The following ZBTB48 variants were observed in gnomAD, a reference collection of about 807,000 sequenced individuals.
ZBTB48 encodes the protein zinc finger and BTB domain containing 48, also known as zinc finger and BTB domain-containing protein 48.
Under a neutral mutation model 64.5 loss-of-function variants are expected in ZBTB48, and 35 were observed. The observed-to-expected ratio is 0.54, with a 90% CI of 0.41 to 0.72. The LOEUF (loss-of-function observed/expected upper bound fraction) is 0.72, where lower values mean the gene tolerates loss of function less well. Among genes scored for constraint, ZBTB48 ranks in the 30% least tolerant of loss-of-function variants. The pLI, the probability that ZBTB48 is intolerant of heterozygous loss-of-function variation, is 0.00. For missense variants in ZBTB48, 828 were observed against 895.3 expected, an observed-to-expected ratio of 0.92 and a Z score of 0.96; for synonymous variants, 442 against 356.7, an observed-to-expected ratio of 1.24 and a Z score of -2.70.
chr1:6,585,105 C>A (rs1434788875), intron 3 of ZBTB48, among the ~76,000 whole-genome samples: 1 of 151,950 alleles, frequency 6.6e-6, no homozygotes, highest in South Asian at 2.1e-4. Flanking sequence ...GAGTGGGGTT[C>A]GATTGCGATT....
chr1:6,585,723 T>C (rs1640636868), intron 3 of ZBTB48, 196 bp from the exon 4 acceptor site: 1 of 595,136 alleles, frequency 1.7e-6, no homozygotes, highest in African/African-American at 1.9e-5. Context: ...AGGACCTGTG[T>C]GAGCTTCTTG....
In ZBTB48 at chr1:6,580,566, T is replaced by G. The variant is rs1443693137; in HGVS notation, c.-44T>G. 6.3e-7 allele frequency: 1 copy of G among 1,577,220 alleles called. No individual in the cohort carries two copies. Among genetic ancestry groups the G allele is most frequent in the South Asian group, 1.1e-5 (1 of 87,088 alleles). The stretch of plus-strand genomic sequence containing the variant: ...GAGCTTTCTCTTGCATACCCTCGCT[T>G]AGGCTGGCCGGGGTGTCACTTCTGC... On this transcript the variant is annotated 5_prime_UTR_variant, in exon 2 of 11. Transcript: ENST00000377674. This position sits in a 1 kb window ranked among gnomAD's most constrained non-coding sequence, Gnocchi z 5.2.
chr1:6,580,402 T>G lies in ZBTB48; in HGVS notation c.-69-139T>G. The G allele has an allele frequency of 1.0e-5, 6 of 593,006 alleles. No individual in the cohort carries two copies. Among genetic ancestry groups the G allele is most frequent in the African/African-American group, 1.9e-5 (1 of 53,502 alleles). 36.7% of individuals were successfully genotyped at this position (593,006 alleles called of 1,614,324 possible). On this transcript the variant is annotated intron_variant, in intron 1 of 10. Coordinates refer to ENST00000377674, the MANE Select transcript of ZBTB48 (RefSeq NM_005341.4). This position sits in a 1 kb window ranked among gnomAD's most constrained non-coding sequence, Gnocchi z 5.2. Reference sequence around the variant, plus strand: ...CCAGCATCCCCCCTGGCCAATCCAATATGGCCCCCGGCCCCCGGGAGGCTG... The same window carrying G: ...CCAGCATCCCCCCTGGCCAATCCAAGATGGCCCCCGGCCCCCGGGAGGCTG...
Position 6,581,281 on chromosome 1 carries a change from G to T in ZBTB48, c.672G>T (p.Leu224=). The change falls in exon 2 of 11, where the codon CTG becomes CTT. Residue 224 remains leucine (L), a synonymous_variant. Transcript: ENST00000377674. ...PRPLEAEGAQ[L]QGGSNEWEVV... ...CCTTAGAGGCTGAAGGTGCCCAGCTGCAGGGCGGCAGTAATGAGGTACTGT... is the reference window on the plus strand; with the variant it reads ...CCTTAGAGGCTGAAGGTGCCCAGCTTCAGGGCGGCAGTAATGAGGTACTGT... 6.2e-7 allele frequency: 1 copy of T among 1,603,764 alleles called. No individual in the cohort carries two copies. Among genetic ancestry groups the T allele is most frequent in the Non-Finnish European group, 8.5e-7 (1 of 1,175,598 alleles).
intron 7 of ZBTB48, 82 bp from the exon 8 acceptor site, chr1:6,587,978 C>A: frequency 6.4e-7 from 1 of 1,564,766 alleles, no homozygotes; most frequent in Non-Finnish European, 8.7e-7. Flanking sequence ...CCTCTTTCCA[C>A]CAGGCATGCT....
At chr1:6,587,721 C>T in intron 7 of ZBTB48, 89 bp downstream of exon 7, 1 of 1,553,562 alleles carries the variant, frequency 6.4e-7, no homozygotes. Context: ...CTGACTTTTA[C>T]ACAGATGAGT....
chr1:6,586,421 C>T (rs973719412), intron 4 of ZBTB48: 25 of 574,036 alleles, frequency 4.4e-5, no homozygotes, highest in Non-Finnish European at 4.3e-5. Flanking sequence ...TCCTAGAGGC[C>T]TGTCAGCAGC....
intron 2 of ZBTB48, among the ~76,000 whole-genome samples, chr1:6,581,561 G>A (rs997479091): frequency 1.6e-4 from 24 of 152,158 alleles, no homozygotes; most frequent in East Asian, 1.2e-3. Context: ...CTACTCAGGA[G>A]GGTGAGGTGG....
In ZBTB48 at chr1:6,582,210, T is replaced by C; in HGVS notation, c.843T>C (p.Ala281=). 1 of 1,614,206 alleles carries C rather than the reference T, an allele frequency of 6.2e-7. No individual in the cohort carries two copies. ...CGGGCTCCCTAGCAGCTGAGCCTGC[T>C]GAGAACAGAAAAGGTACAGCGGTGC... ...LSAGSLAAEP[A]ENRKGTAVPV... is the part of the protein sequence containing the mutation. Residue 281 remains alanine (A), a synonymous_variant, in exon 3 of 11, where the codon GCT becomes GCC. Transcript: ENST00000377674.
intron 7 of ZBTB48, 93 bp from the exon 8 acceptor site, chr1:6,587,967 C>T (rs2148695430): frequency 6.5e-7 from 1 of 1,537,610 alleles, no homozygotes; most frequent in Non-Finnish European, 8.8e-7. Flanking sequence ...ACTGCCCAAG[C>T]CCTCTTTCCA....
rs751105755 is a variant in ZBTB48 at position 6,589,135 on chromosome 1, G to A, written c.1990G>A (p.Glu664Lys). 2 of 1,593,580 alleles carry A rather than the reference G, an allele frequency of 1.3e-6. No individual in the cohort carries two copies. The highest frequency in any genetic ancestry group is 2.3e-5 in the South Asian group (2 of 88,372). ...CCCCGGCCAGAGACTGTGTGCAGAG[G>A]AGAGCTTCACCGGCCCAGGTGTCCT... Reference protein sequence around the residue: ...QLPGQRLCAEESFTGPGVLEP... With the variant: ...QLPGQRLCAEKSFTGPGVLEP... The change falls in exon 11 of 11, where the codon GAG becomes AAG. Residue 664 changes from glutamate to lysine, a missense_variant. Physicochemically the swap from Glu to Lys is moderately conservative, Grantham distance 56. Coordinates refer to ENST00000377674, the MANE Select transcript of ZBTB48 (RefSeq NM_005341.4).
In ZBTB48 at chr1:6,588,308, C is replaced by T; in HGVS notation, c.1547C>T (p.Thr516Ile). The part of the protein sequence containing the change: ...ASLDKHNRTH[T>I]GERPFSCEFC... ...CTGGACAAGCACAACCGCACCCACACCGGGGAAAGGCCCTTCAGTTGCGAG... is the reference window on the plus strand; with the variant it reads ...CTGGACAAGCACAACCGCACCCACATCGGGGAAAGGCCCTTCAGTTGCGAG... Residue 516 changes from threonine to isoleucine, a missense_variant, in exon 9 of 11, where the codon ACC becomes ATC. Transcript: ENST00000377674. 1 of 1,608,044 alleles carries T rather than the reference C, an allele frequency of 6.2e-7. No individual in the cohort carries two copies. Among genetic ancestry groups the T allele is most frequent in the Non-Finnish European group, 8.5e-7 (1 of 1,175,416 alleles).
rs746737643 is a variant in ZBTB48 at position 6,589,032 on chromosome 1, G to A, written c.1887G>A (p.Gln629=). The change falls in exon 11 of 11, where the codon CAG becomes CAA. Residue 629 remains glutamine (Q), a synonymous_variant. Coordinates refer to ENST00000377674, the MANE Select transcript of ZBTB48 (RefSeq NM_005341.4). The stretch of plus-strand genomic sequence containing the variant: ...AGAAGATGGTGGTGGTGGCGCTGCA[G>A]CCGCCTGCAGAGCTGGAGGTGGGCT... ...EDEKMVVVAL[Q]PPAELEVGSA... 10 of 1,596,330 alleles carry A rather than the reference G, an allele frequency of 6.3e-6. No individual in the cohort carries two copies. The highest frequency in any genetic ancestry group is 3.5e-5 in the Admixed American group (2 of 57,256).
Position 6,588,412 on chromosome 1 carries a change from T to C in ZBTB48, c.1651T>C (p.Phe551Leu). Residue 551 changes from phenylalanine (F) to leucine (L), a missense_variant, in exon 9 of 11, where the codon TTC becomes CTC. By Grantham distance (22) the Phe-to-Leu change is conservative. Coordinates refer to ENST00000377674, the MANE Select transcript of ZBTB48 (RefSeq NM_005341.4). ...CCGCCATCAGGAGGGCCGGCCCCACTTCTGCCAGATATGCGGCAAGACCTT... is the reference window on the plus strand; with the variant it reads ...CCGCCATCAGGAGGGCCGGCCCCACCTCTGCCAGATATGCGGCAAGACCTT... Reference protein sequence around the residue: ...ASRHQEGRPHFCQICGKTFKA... With the variant: ...ASRHQEGRPHLCQICGKTFKA... The C allele has an allele frequency of 6.4e-7, 1 of 1,565,408 alleles. No homozygotes were observed. The highest frequency in any genetic ancestry group is 8.7e-7 in the Non-Finnish European group (1 of 1,153,766).
At chr1:6,585,051 C>T (rs80254133) in intron 3 of ZBTB48, among the ~76,000 whole-genome samples, 2,988 of 151,938 alleles carry the variant, frequency 0.02, 46 homozygotes, top group Middle Eastern at 0.041. Flanking sequence ...GAAGTGCTGC[C>T]GAAGAAGAAA....
At chr1:6,586,884 A>C in intron 5 of ZBTB48, 97 bp downstream of exon 5, 2 of 1,390,532 alleles carry the variant, frequency 1.4e-6, no homozygotes. Flanking sequence ...CCTCCCTCAC[A>C]GTAGCTGTCA....
rs781164527 is a variant in ZBTB48 at position 6,581,250 on chromosome 1, C to T, written c.641C>T (p.Pro214Leu). The change falls in exon 2 of 11, where the codon CCA becomes CTA. Residue 214 changes from proline to leucine, a missense_variant. Transcript: ENST00000377674. ...DKKPEDCKVP[P>L]RPLEAEGAQL... ...AAACCCGAGGACTGCAAAGTGCCCCCAAGGCCCTTAGAGGCTGAAGGTGCC... is the reference window on the plus strand; with the variant it reads ...AAACCCGAGGACTGCAAAGTGCCCCTAAGGCCCTTAGAGGCTGAAGGTGCC... 3.7e-6 allele frequency: 6 copies of T among 1,611,836 alleles called. No individual in the cohort carries two copies. The highest frequency in any genetic ancestry group is 1.3e-5 in the African/African-American group (1 of 74,890).
chr1:6,588,951 G>A lies in ZBTB48; in HGVS notation c.1806G>A (p.Arg602=). Residue 602 remains arginine, a synonymous_variant, in exon 11 of 11, where the codon CGG becomes CGA. Transcript: ENST00000377674. ...GGAGGCACATGGAGATCCACGACCG[G>A]GTAGAGAACTACAACCCGCGGCAGC... ...HLRRHMEIHD[R]VENYNPRQRK... is the part of the protein sequence containing the mutation. 3 of 1,609,262 alleles carry A rather than the reference G, an allele frequency of 1.9e-6. No homozygotes were observed. Among genetic ancestry groups the A allele is most frequent in the Non-Finnish European group, 2.5e-6 (3 of 1,177,062 alleles).
In ZBTB48 at chr1:6,585,945, A is replaced by G; in HGVS notation, c.959A>G (p.Glu320Gly). 6.2e-7 allele frequency: 1 copy of G among 1,614,068 alleles called. No individual in the cohort carries two copies. The highest frequency in any genetic ancestry group is 8.5e-7 in the Non-Finnish European group (1 of 1,179,960). The change falls in exon 4 of 11, where the codon GAG becomes GGG. Residue 320 changes from glutamate to glycine, a missense_variant. Coordinates refer to ENST00000377674, the MANE Select transcript of ZBTB48 (RefSeq NM_005341.4). ...NRKHTGEKPF[E>G]CPKCGKCYFR... is the part of the protein sequence containing the mutation. ...AAACATACTGGGGAGAAACCCTTTG[A>G]GTGTCCCAAATGTGGGAAGTGTTAC...
Sources: gnomAD v4.1 joint callset for allele counts (sites outside exome capture counted in the v4.1 genomes callset) on GRCh38, gnomAD v4.1.1 for gene constraint, Gnocchi (gnomAD v3.1) non-coding constraint, MANE v1.5 for transcripts, NCBI Gene and HGNC (gene_info 2026-07-23, HGNC 2026-07-21) for gene names.